RIMS1: variants seen among roughly 807,000 people sequenced by gnomAD.
The protein encoded by RIMS1 is regulating synaptic membrane exocytosis 1.
RIMS1 carries 83 observed loss-of-function variants against 214.1 expected under a neutral mutation model. The ratio of observed to expected loss-of-function variants is 0.39; its 90% CI spans 0.32 to 0.47. The LOEUF is 0.47. Ranked by LOEUF, RIMS1 falls within the 20% of genes least tolerant of loss-of-function variation. RIMS1 has a pLI of 0.99. For synonymous variants in RIMS1, 793 were observed against 786.8 expected (o/e 1.01, Z -0.13); for missense variants, 2,050 against 2,161.8 (o/e 0.95, Z 1.03).
At chr6:72,258,360 G>A in intron 17 of RIMS1, 79 bp downstream of exon 17, 4 of 1,318,764 alleles carry the variant, frequency 3.0e-6, no homozygotes, top group Admixed American at 5.1e-5. Context: ...AAAACTAACT[G>A]AAATGAAAAA....
At chr6:72,116,911 G>C (rs1258097838) in intron 4 of RIMS1, among the ~76,000 whole-genome samples, 1 of 151,930 alleles carries the variant, frequency 6.6e-6, no homozygotes, top group East Asian at 1.9e-4. Flanking sequence ...AGTGCTGTCA[G>C]TTGTAAGTGT....
At chr6:72,245,962 T>C (rs1590332505) in intron 11 of RIMS1, 101 bp downstream of exon 11, 2 of 814,608 alleles carry the variant, frequency 2.5e-6, no homozygotes, top group South Asian at 1.6e-5. Flanking sequence ...TTGGGGTTAC[T>C]ATACTAAAGA....
intron 29 of RIMS1, among the ~76,000 whole-genome samples, chr6:72,343,403 C>T (rs1360059574): frequency 6.7e-6 from 1 of 149,162 alleles, no homozygotes; most frequent in Non-Finnish European, 1.5e-5. Flanking sequence ...AAAATTGAAG[C>T]TCTGCTCTTT....
intron 23 of RIMS1, 78 bp downstream of exon 23, chr6:72,274,510 A>C (rs983140293): frequency 1.7e-5 from 19 of 1,112,004 alleles, no homozygotes; most frequent in Non-Finnish European, 2.6e-5. Context: ...ACCAAGAGAA[A>C]AGTTGAATAT....
intron 4 of RIMS1, among the ~76,000 whole-genome samples, chr6:72,147,192 T>A (rs2042872613): frequency 6.6e-6 from 1 of 152,240 alleles, no homozygotes; most frequent in South Asian, 2.1e-4. Flanking sequence ...CATTACAGCT[T>A]TAATTTTTCC....
At chr6:72,235,538 G>A (rs2063676446) in intron 7 of RIMS1, 80 bp from the exon 8 acceptor site, 2 of 888,308 alleles carry the variant, frequency 2.3e-6, no homozygotes, top group Non-Finnish European at 3.6e-6. Flanking sequence ...TACCTCTAAT[G>A]ACAAGACTTC....
At position 72,025,748 on chromosome 6, in the gene RIMS1, C is replaced by T. The variant is rs572649120; in HGVS notation, c.245+56685C>T. Among the ~76,000 whole-genome samples the T allele has an allele frequency of 2.1e-3, 323 of 152,246 alleles. 1 individual carries two copies. The highest frequency in any genetic ancestry group is 0.014 in the South Asian group (70 of 4,828). On this transcript the variant is annotated intron_variant, in intron 2 of 33. Transcript: ENST00000521978. ...CTTGTATCTCATGGCTTCTATAGGTCAGGAATTTGAGAAAAATTTCTATGA... is the reference window on the plus strand; with the variant it reads ...CTTGTATCTCATGGCTTCTATAGGTTAGGAATTTGAGAAAAATTTCTATGA...
At chr6:71,906,874 A>G (rs1775412720) in intron 1 of RIMS1, among the ~76,000 whole-genome samples, 2 of 152,178 alleles carry the variant, frequency 1.3e-5, no homozygotes. Flanking sequence ...GGCTATAATA[A>G]TGATTATTTT....
At chr6:72,344,896 G>GA (rs2097208158) in intron 29 of RIMS1, among the ~76,000 whole-genome samples, 1 of 151,678 alleles carries the variant, frequency 6.6e-6, no homozygotes. Flanking sequence ...TGGCTTGGCA[G>GA]AAAAAATTAT....
intron 1 of RIMS1, among the ~76,000 whole-genome samples, chr6:71,893,304 C>T (rs920329719): frequency 2.0e-5 from 3 of 151,442 alleles, no homozygotes; most frequent in Non-Finnish European, 4.4e-5. Flanking sequence ...CTATATTTAC[C>T]TTCTTTCTTT....
chr6:72,216,556 G>A, intron 6 of RIMS1: 1 of 985,460 alleles, frequency 1.0e-6, no homozygotes, highest in Non-Finnish European at 1.2e-6. Flanking sequence ...CCTCAGTTAG[G>A]GAAACTGCAG....
At chr6:71,983,871 A>C (rs1367592932) in intron 2 of RIMS1, among the ~76,000 whole-genome samples, 1 of 152,210 alleles carries the variant, frequency 6.6e-6, no homozygotes, top group Non-Finnish European at 1.5e-5. Flanking sequence ...CATTTTTATC[A>C]TATTACTGTC....
chr6:72,389,906 G>C (rs757766421), intron 29 of RIMS1, among the ~76,000 whole-genome samples: 1 of 152,132 alleles, frequency 6.6e-6, no homozygotes, highest in African/African-American at 2.4e-5. Context: ...GTAATTCCCA[G>C]TACAAATGGA....
chr6:72,021,162 G>A (rs1814539071), intron 2 of RIMS1, among the ~76,000 whole-genome samples: 1 of 152,156 alleles, frequency 6.6e-6, no homozygotes. Context: ...GATTGAAATT[G>A]TCTCTTACTT....
intron 4 of RIMS1, among the ~76,000 whole-genome samples, chr6:72,146,221 T>A (rs548017200): frequency 6.6e-6 from 1 of 152,294 alleles, no homozygotes; most frequent in African/African-American, 2.4e-5. Flanking sequence ...CAAATATTTT[T>A]AAAAAGGCAA....
At chr6:71,908,540 A>C (rs1221165743) in intron 1 of RIMS1, among the ~76,000 whole-genome samples, 2 of 152,310 alleles carry the variant, frequency 1.3e-5, no homozygotes, top group East Asian at 3.9e-4. Context: ...GTCAGGGTGC[A>C]GTCAACTTCT....
chr6:72,240,630 C>CTTTTTTT (rs11344285), intron 9 of RIMS1, among the ~76,000 whole-genome samples: 383 of 82,102 alleles, frequency 4.7e-3, no homozygotes, highest in Middle Eastern at 8.3e-3. Flanking sequence ...TTTCTTTTTT[C>CTTTTTTT]TTTTTTTTTT....
intron 22 of RIMS1, among the ~76,000 whole-genome samples, chr6:72,271,680 T>G (rs181146744): frequency 6.6e-6 from 1 of 152,260 alleles, no homozygotes; most frequent in East Asian, 1.9e-4. Context: ...AAGTATCATT[T>G]AATTGCTTTC....
intron 28 of RIMS1, among the ~76,000 whole-genome samples, chr6:72,323,554 A>T (rs2096281502): frequency 6.6e-6 from 1 of 151,982 alleles, no homozygotes; most frequent in Non-Finnish European, 1.5e-5. Context: ...TACAGAGAGA[A>T]GAGACAGAAA....
Sources: allele counts gnomAD v4.1 joint callset (sites outside exome capture counted in the v4.1 genomes callset), GRCh38; gene constraint gnomAD v4.1.1; transcripts MANE v1.5; gene names NCBI Gene and HGNC (gene_info 2026-07-23, HGNC 2026-07-21).